BASP1: variants seen among roughly 807,000 people sequenced by gnomAD.
The protein encoded by BASP1 is brain acid soluble protein 1.
A neutral mutation model predicts 2.2 loss-of-function variants in BASP1; 1 was observed. The ratio of observed to expected loss-of-function variants is 0.46; its 90% CI spans 0.16 to 2.17. The LOEUF (loss-of-function observed/expected upper bound fraction) is 2.17, where lower values mean the gene tolerates loss of function less well. Among genes scored for constraint, BASP1 ranks in the 30% most tolerant of loss-of-function variants. The probability of loss-of-function intolerance (pLI) is 0.27; values close to 1 mark genes in which losing one functional copy is unlikely to be tolerated. For synonymous variants in BASP1, 187 were observed against 154.2 expected, an observed-to-expected ratio of 1.21 and a Z score of -1.58; for missense variants, 352 against 327.2, an observed-to-expected ratio of 1.08 and a Z score of -0.58.
intron 1 of BASP1, among the ~76,000 whole-genome samples, chr5:17,264,818 T>C (rs1490517372): frequency 6.6e-6 from 1 of 152,218 alleles, no homozygotes; most frequent in African/African-American, 2.4e-5. Context: ...TGGTTCTAGA[T>C]GAAATGGTTA....
chr5:17,262,995 C>T (rs1051032801), intron 1 of BASP1, among the ~76,000 whole-genome samples: 25 of 152,180 alleles, frequency 1.6e-4, no homozygotes, highest in South Asian at 2.1e-4. Flanking sequence ...TACAGGCACC[C>T]GCCACCACGC....
At chr5:17,263,718 G>A (rs1740365200) in intron 1 of BASP1, among the ~76,000 whole-genome samples, 2 of 152,216 alleles carry the variant, frequency 1.3e-5, no homozygotes, top group African/African-American at 2.4e-5. Context: ...GCTAATCTGT[G>A]TATGTGTACT....
chr5:17,275,309 G>A lies in BASP1; in HGVS notation c.93G>A (p.Thr31=), dbSNP rs1453767730. ...ACAAGAAGGCCGAGGGCGCGGCGAC[G>A]GAAGAGGAGGGGACCCCGAAGGAGA... ...EKDKKAEGAA[T]EEEGTPKESE... is the part of the protein sequence containing the mutation. The change falls in exon 2 of 2, where the codon ACG becomes ACA. Residue 31 remains threonine, a synonymous_variant. Coordinates refer to ENST00000322611, the MANE Select transcript of BASP1 (RefSeq NM_006317.5). This position sits in a 1 kb window ranked among gnomAD's most constrained non-coding sequence, Gnocchi z 5.3. 1.9e-6 allele frequency: 3 copies of A among 1,612,658 alleles called. No individual in the cohort carries two copies. The highest frequency in any genetic ancestry group is 1.7e-6 in the Non-Finnish European group (2 of 1,179,634).
chr5:17,251,409 A>G lies in BASP1; in HGVS notation c.-9-23799A>G, dbSNP rs1024647757. Among the ~76,000 whole-genome samples, 5 of 152,246 alleles carry G rather than the reference A, an allele frequency of 3.3e-5. No homozygotes were observed. The highest frequency in any genetic ancestry group is 1.2e-4 in the African/African-American group (5 of 41,466). Reference sequence around the variant, plus strand: ...CATATCACATGTACCCCTAAAATATATAAAATGATTTTACATCAATACAAA... The same window carrying G: ...CATATCACATGTACCCCTAAAATATGTAAAATGATTTTACATCAATACAAA... On this transcript the variant is annotated intron_variant, in intron 1 of 1. Coordinates refer to ENST00000322611, the MANE Select transcript of BASP1 (RefSeq NM_006317.5). This position sits in a 1 kb window ranked among gnomAD's most constrained non-coding sequence, Gnocchi z 4.0.
intron 1 of BASP1, among the ~76,000 whole-genome samples, chr5:17,227,913 A>G (rs1020909482): frequency 1.3e-5 from 2 of 152,194 alleles, no homozygotes; most frequent in African/African-American, 4.8e-5. Flanking sequence ...GGCTCACCCA[A>G]CTGGACTTTA....
At position 17,276,313 on chromosome 5, in the gene BASP1, G is replaced by A. The variant is rs980095189; in HGVS notation, c.*413G>A. 1 of 172,258 alleles carries A rather than the reference G, an allele frequency of 5.8e-6. No homozygotes were observed. The highest frequency in any genetic ancestry group is 2.4e-5 in the African/African-American group (1 of 41,826). 10.7% of individuals were successfully genotyped at this position (172,258 alleles called of 1,614,324 possible). On this transcript the variant is annotated 3_prime_UTR_variant, in exon 2 of 2. Transcript: ENST00000322611. ...CTGCAATGGGAGTTGGGAGTGATGC[G>A]TTTGATTCTGCCCACAGGGCCTGTG...
chr5:17,239,292 A>G (rs1343084250), intron 1 of BASP1, among the ~76,000 whole-genome samples: 1 of 151,942 alleles, frequency 6.6e-6, no homozygotes, highest in Non-Finnish European at 1.5e-5. Context: ...ACGGGGTTTC[A>G]CCATGTTAGC....
chr5:17,240,489 T>C (rs1392086718), intron 1 of BASP1: 1 of 152,154 alleles, frequency 6.6e-6, no homozygotes, highest in African/African-American at 2.4e-5. Context: ...TGAGCTGAGA[T>C]TGCGCCATTG....
At chr5:17,221,755 G>T (rs906444782) in intron 1 of BASP1, among the ~76,000 whole-genome samples, 3 of 152,020 alleles carry the variant, frequency 2.0e-5, no homozygotes, top group Non-Finnish European at 2.9e-5. Context: ...AATTATAGTG[G>T]ACAACTATTA....
In BASP1 at chr5:17,275,477, C is replaced by G; in HGVS notation, c.261C>G (p.Pro87=). ...AAKEEAPKAE[P]EKTEGAAEAK... ...AGGAGGAGGCCCCGAAGGCGGAGCC[C>G]GAGAAGACGGAGGGCGCGGCAGAGG... Residue 87 remains proline, a synonymous_variant, in exon 2 of 2, where the codon CCC becomes CCG. Transcript: ENST00000322611. The surrounding 1 kb of genome is among the most constrained non-coding windows in gnomAD (Gnocchi z 5.3). 1 of 1,490,912 alleles carries G rather than the reference C, an allele frequency of 6.7e-7. No homozygotes were observed. Among genetic ancestry groups the G allele is most frequent in the Non-Finnish European group, 8.9e-7 (1 of 1,122,600 alleles). 92.4% of individuals were successfully genotyped at this position (1,490,912 alleles called of 1,614,324 possible).
At chr5:17,269,015 ATTCT>A (rs1740480575) in intron 1 of BASP1, among the ~76,000 whole-genome samples, 1 of 152,208 alleles carries the variant, frequency 6.6e-6, no homozygotes, top group Non-Finnish European at 1.5e-5. Flanking sequence ...GCCTATGTTC[ATTCT>A]TTATTTTTAT....
At chr5:17,218,611 G>T (rs1739319560) in intron 1 of BASP1, among the ~76,000 whole-genome samples, 1 of 152,094 alleles carries the variant, frequency 6.6e-6, no homozygotes. Flanking sequence ...CGGGCCCGGG[G>T]GGTGTGGGCT....
intron 1 of BASP1, among the ~76,000 whole-genome samples, chr5:17,249,939 T>G (rs1480844337): frequency 2.6e-5 from 4 of 151,738 alleles, no homozygotes; most frequent in African/African-American, 4.8e-5. Context: ...TTGATTTTAA[T>G]TTTTTTTTCT....
At chr5:17,256,453 T>C (rs1242584525) in intron 1 of BASP1, among the ~76,000 whole-genome samples, 2 of 152,226 alleles carry the variant, frequency 1.3e-5, no homozygotes, top group Non-Finnish European at 2.9e-5. Flanking sequence ...GTTTGTGTCA[T>C]TTCTCAAATA....
At position 17,257,646 on chromosome 5, in the gene BASP1, C is replaced by T. The variant is rs6888658; in HGVS notation, c.-9-17562C>T. ...CCCTGCCCCAGGTCACATAGCTGAA[C>T]GTGGTCTCTCATCCCCTTGCCTATG... is the stretch of plus-strand genomic sequence containing the variant. On this transcript the variant is annotated intron_variant, in intron 1 of 1. Coordinates refer to ENST00000322611, the MANE Select transcript of BASP1 (RefSeq NM_006317.5). 3.3e-3 allele frequency among the ~76,000 whole-genome samples: 503 copies of T among 152,280 alleles called. 3 individuals carry two copies. Among genetic ancestry groups the T allele is most frequent in the African/African-American group, 0.012 (482 of 41,546 alleles).
intron 1 of BASP1, among the ~76,000 whole-genome samples, chr5:17,254,900 T>A (rs75892054): frequency 6.6e-6 from 1 of 152,214 alleles, no homozygotes; most frequent in Non-Finnish European, 1.5e-5. Flanking sequence ...ACGATTTCAG[T>A]TGACACCAAA....
intron 1 of BASP1, among the ~76,000 whole-genome samples, chr5:17,237,232 T>A (rs1257053273): frequency 1.3e-5 from 2 of 152,072 alleles, no homozygotes; most frequent in East Asian, 3.9e-4. Context: ...TAGTCCCAGC[T>A]ACTTGGGAGG....
At chr5:17,271,395 T>C (rs1329329602) in intron 1 of BASP1, among the ~76,000 whole-genome samples, 1 of 152,200 alleles carries the variant, frequency 6.6e-6, no homozygotes, top group Non-Finnish European at 1.5e-5. Context: ...GTGCTGGGAT[T>C]ACAGGTGTGA....
At chr5:17,221,861 T>TC (rs1739399895) in intron 1 of BASP1, among the ~76,000 whole-genome samples, 2 of 152,090 alleles carry the variant, frequency 1.3e-5, no homozygotes, top group African/African-American at 4.8e-5. Context: ...TCTCAGGAAA[T>TC]CGTATAAAGA....
Sources: gnomAD v4.1 joint callset for allele counts (sites outside exome capture counted in the v4.1 genomes callset) on GRCh38, gnomAD v4.1.1 for gene constraint, Gnocchi (gnomAD v3.1) non-coding constraint, MANE v1.5 for transcripts, NCBI Gene and HGNC (gene_info 2026-07-23, HGNC 2026-07-21) for gene names.